FOXP4: variants seen among roughly 807,000 people sequenced by gnomAD.
FOXP4 encodes forkhead box protein P4.
FOXP4 carries 25 observed loss-of-function variants against 82.6 expected under a neutral mutation model. The ratio of observed to expected loss-of-function variants is 0.30; its 90% CI spans 0.22 to 0.42. FOXP4 has a LOEUF of 0.42. Ranked by LOEUF, FOXP4 falls within the 10% of genes least tolerant of loss-of-function variation. FOXP4 has a pLI of 1.00. For missense variants in FOXP4, 785 were observed against 900.9 expected, an observed-to-expected ratio of 0.87 and a Z score of 1.65; for synonymous variants, 415 against 388.2, an observed-to-expected ratio of 1.07 and a Z score of -0.81.
chr6:41,598,616 G>C (rs887588961), intron 16 of FOXP4, 173 bp from the exon 17 acceptor site: 1 of 919,002 alleles, frequency 1.1e-6, no homozygotes, highest in Non-Finnish European at 1.6e-6. Context: ...CCCAGGACCA[G>C]CTTTTCTTTG....
chr6:41,597,453 A>G (rs1195077021), intron 15 of FOXP4, among the ~76,000 whole-genome samples: 1 of 152,194 alleles, frequency 6.6e-6, no homozygotes, highest in Non-Finnish European at 1.5e-5. Flanking sequence ...CAAGGCAGGC[A>G]GCTGGGAGGA....
rs575752489 is a variant in FOXP4, at chr6:41,567,269, C to T, written c.204+1305C>T. 2.0e-5 allele frequency among the ~76,000 whole-genome samples: 3 copies of T among 152,354 alleles called. No homozygotes were observed. The East Asian group carries it at 5.8e-4, about 29-fold the overall frequency. ...CAATTTGGGTGTGCAACACATGCAG[C>T]TCATTTGTTGATGTGGATGTGAGTG... On this transcript the variant is annotated intron_variant, in intron 2 of 16. Coordinates refer to ENST00000307972, the MANE Select transcript of FOXP4 (RefSeq NM_001012426.2).
chr6:41,597,646 C>T (rs1455569400), intron 15 of FOXP4, 135 bp from the exon 16 acceptor site: 1 of 1,158,086 alleles, frequency 8.6e-7, no homozygotes, highest in Non-Finnish European at 1.2e-6. Flanking sequence ...TGGGGGTTGC[C>T]CAGACAGATC....
At chr6:41,597,406 G>T (rs1024397696) in intron 15 of FOXP4, among the ~76,000 whole-genome samples, 164 bp downstream of exon 15, 10 of 152,272 alleles carry the variant, frequency 6.6e-5, no homozygotes, top group Non-Finnish European at 1.2e-4. Context: ...CCAACTCGGG[G>T]CCAGCCTCCA....
intron 2 of FOXP4, chr6:41,570,110 A>ACG (rs1554173098): frequency 5.8e-6 from 2 of 345,816 alleles, no homozygotes; most frequent in African/African-American, 4.4e-5. Flanking sequence ...ACACACACAC[A>ACG]CACACACGCA....
In FOXP4 at chr6:41,549,147, C is replaced by G. The variant is rs146095552; in HGVS notation, c.-17+2280C>G. Among the ~76,000 whole-genome samples the G allele has an allele frequency of 4.6e-5, 7 of 152,236 alleles. No individual in the cohort carries two copies. The East Asian group carries it at 1.4e-3, about 30-fold the overall frequency. Reference sequence around the variant, plus strand: ...CTCAGGACCCACTTTATCCTGGCTCCAGCCTTGCTACTAAGTTTGGGAGAC... The same window carrying G: ...CTCAGGACCCACTTTATCCTGGCTCGAGCCTTGCTACTAAGTTTGGGAGAC... On this transcript the variant is annotated intron_variant, in intron 1 of 16. Transcript: ENST00000307972.
chr6:41,595,085 C>T, intron 14 of FOXP4, 94 bp downstream of exon 14: 1 of 1,549,264 alleles, frequency 6.5e-7, no homozygotes, highest in Non-Finnish European at 8.8e-7. Context: ...CACATGTGCA[C>T]CAGATCCTTC....
At chr6:41,585,631 G>A in intron 5 of FOXP4, 114 bp downstream of exon 5, 2 of 949,704 alleles carry the variant, frequency 2.1e-6, no homozygotes, top group Non-Finnish European at 3.1e-6. Context: ...TCTAGAAAAG[G>A]CTGAGGAAGG....
At position 41,578,153 on chromosome 6, in the gene FOXP4, A is replaced by C. The variant is rs534672425; in HGVS notation, c.300+72A>C. Reference sequence around the variant, plus strand: ...GGCCTGGCACAGAGGGAGGGCAAGGACCCGTTGGAGAACTGCTCTTGCCAG... The same window carrying C: ...GGCCTGGCACAGAGGGAGGGCAAGGCCCCGTTGGAGAACTGCTCTTGCCAG... On this transcript the variant is annotated intron_variant, in intron 3 of 16. Coordinates refer to ENST00000307972, the MANE Select transcript of FOXP4 (RefSeq NM_001012426.2). The C allele has an allele frequency of 6.8e-5, 90 of 1,328,208 alleles. No homozygotes were observed. The South Asian group carries it at 1.1e-3, about 16-fold the overall frequency. The allele number at this position is 1,328,208 out of a possible 1,614,324, so 82.3% of individuals were successfully genotyped here.
intron 14 of FOXP4, 50 bp downstream of exon 14, chr6:41,595,041 C>G (rs1222426007): frequency 1.9e-6 from 3 of 1,610,116 alleles, no homozygotes; most frequent in Non-Finnish European, 2.5e-6. Flanking sequence ...GGGGCAGGAG[C>G]CAACTCACCC....
intron 1 of FOXP4, among the ~76,000 whole-genome samples, chr6:41,565,204 C>A (rs1008388157): frequency 6.6e-6 from 1 of 151,896 alleles, no homozygotes; most frequent in Non-Finnish European, 1.5e-5. Flanking sequence ...AATACACACA[C>A]AAAAATTTAG....
chr6:41,551,323 G>A (rs1401975771), intron 1 of FOXP4, among the ~76,000 whole-genome samples: 2 of 152,210 alleles, frequency 1.3e-5, no homozygotes, highest in East Asian at 1.9e-4. Context: ...TGGGCCTGGC[G>A]AATGCCCTCC....
In FOXP4 at chr6:41,587,788, C is replaced by A. The variant is rs1159293383; in HGVS notation, c.873-5C>A. 1.3e-6 allele frequency: 2 copies of A among 1,552,238 alleles called. No homozygotes were observed. The highest frequency in any genetic ancestry group is 1.7e-6 in the Non-Finnish European group (2 of 1,145,888). ...TGATCGGCCACCTCCCTGCTGTCCT[C>A]CCAGCTCTTCCCACGAGGAGACCCC... is the stretch of plus-strand genomic sequence containing the variant. On this transcript the variant is annotated splice_polypyrimidine_tract_variant and splice_region_variant and intron_variant, in intron 7 of 16. Coordinates refer to ENST00000307972, the MANE Select transcript of FOXP4 (RefSeq NM_001012426.2).
chr6:41,595,690 C>T (rs1766791434), intron 14 of FOXP4, among the ~76,000 whole-genome samples: 1 of 152,150 alleles, frequency 6.6e-6, no homozygotes, highest in African/African-American at 2.4e-5. Flanking sequence ...GGAACCTCCA[C>T]TTCCCGGGTT....
intron 3 of FOXP4, among the ~76,000 whole-genome samples, chr6:41,578,296 T>C: frequency 6.6e-6 from 1 of 152,320 alleles, no homozygotes; most frequent in East Asian, 1.9e-4. Context: ...TCCGCTAGCT[T>C]AGCCTCTTTG....
intron 1 of FOXP4, among the ~76,000 whole-genome samples, chr6:41,564,202 C>G (rs1447658661): frequency 2.0e-5 from 3 of 152,100 alleles, no homozygotes; most frequent in African/African-American, 7.2e-5. Flanking sequence ...GCCTATAATC[C>G]CAGCACTTTC....
intron 1 of FOXP4, among the ~76,000 whole-genome samples, chr6:41,564,212 C>T (rs970707013): frequency 3.3e-5 from 5 of 152,082 alleles, no homozygotes; most frequent in Admixed American, 2.0e-4. Flanking sequence ...CCAGCACTTT[C>T]GGAGGCCGAG....
intron 3 of FOXP4, among the ~76,000 whole-genome samples, chr6:41,579,816 A>C (rs546571071): frequency 7.4e-4 from 112 of 152,330 alleles, no homozygotes; most frequent in African/African-American, 2.6e-3. Context: ...TACTGAGTAC[A>C]TCCCAAACTA....
At chr6:41,574,432 G>GA (rs1765364803) in intron 2 of FOXP4, among the ~76,000 whole-genome samples, 1 of 152,212 alleles carries the variant, frequency 6.6e-6, no homozygotes, top group South Asian at 2.1e-4. Flanking sequence ...TTAAATGTTT[G>GA]AAAAAGTGCT....
Sources: gnomAD v4.1 joint callset for allele counts (sites outside exome capture counted in the v4.1 genomes callset) on GRCh38, gnomAD v4.1.1 for gene constraint, MANE v1.5 for transcripts, NCBI Gene and HGNC (gene_info 2026-07-23, HGNC 2026-07-21) for gene names.